Variants in NTM observed in about 807,000 individuals in gnomAD.
The protein encoded by NTM is neurotrimin, also known as IgLON family member 2.
In NTM, 13 loss-of-function variants were observed where a neutral mutation model predicts 42.1. That is an observed-to-expected ratio of 0.31 (90% confidence interval 0.20 to 0.49). NTM has a LOEUF of 0.49. NTM is among the 20% of genes least tolerant of loss of function. The probability of loss-of-function intolerance (pLI) is 0.99; values close to 1 mark genes in which losing one functional copy is unlikely to be tolerated. For missense variants in NTM, 373 were observed against 452.8 expected (o/e 0.82, Z 1.60); for synonymous variants, 187 against 179.2 (o/e 1.04, Z -0.35).
chr11:131,630,245 A>G (rs1018608768), intron 1 of NTM, among the ~76,000 whole-genome samples: 1 of 152,316 alleles, frequency 6.6e-6, no homozygotes, highest in East Asian at 1.9e-4. Flanking sequence ...GCCTTGGATC[A>G]GGAGAAATCC....
intron 8 of NTM, among the ~76,000 whole-genome samples, chr11:132,330,825 GTGGAGGCGTGGCTGAATGAAGAA>G (rs1262539521): frequency 6.6e-6 from 1 of 152,214 alleles, no homozygotes; most frequent in East Asian, 1.9e-4. Flanking sequence ...TCACTGTGGA[GTGGAGGCGTGGCTGAATGAAGAA>G]TGGAGGCCTC....
intron 2 of NTM, among the ~76,000 whole-genome samples, chr11:132,057,402 C>T (rs2079873805): frequency 6.6e-6 from 1 of 152,134 alleles, no homozygotes; most frequent in South Asian, 2.1e-4. Flanking sequence ...CCTACTTTGT[C>T]AAACAGATTC....
At chr11:131,794,645 G>GAATA (rs551467999) in intron 1 of NTM, 20 of 985,214 alleles carry the variant, frequency 2.0e-5, no homozygotes, top group Non-Finnish European at 2.4e-5. Flanking sequence ...ATGAATGAAT[G>GAATA]AGTAGTGCAT....
intron 1 of NTM, among the ~76,000 whole-genome samples, chr11:131,690,822 G>T (rs2074574961): frequency 6.6e-6 from 1 of 152,194 alleles, no homozygotes; most frequent in East Asian, 1.9e-4. Context: ...TGAGGCACAC[G>T]GCGGGTGAAG....
At chr11:131,396,040 G>A (rs1032388209) in intron 1 of NTM, among the ~76,000 whole-genome samples, 4 of 152,286 alleles carry the variant, frequency 2.6e-5, no homozygotes, top group South Asian at 2.1e-4. Flanking sequence ...AAGGGTTCTG[G>A]AGGTGAGCAG....
rs533948384 is a variant in NTM at position 132,261,356 on chromosome 11, G to A, written c.527-46333G>A. 7.2e-5 allele frequency among the ~76,000 whole-genome samples: 11 copies of A among 152,264 alleles called. No individual in the cohort carries two copies. The South Asian group carries it at 1.7e-3, about 23-fold the overall frequency. ...GGATGGAAAGTACTGCATGGGAATC[G>A]CTGGGGCATGTATTGGAATGCCAGT... is the stretch of plus-strand genomic sequence containing the variant. On this transcript the variant is annotated intron_variant, in intron 4 of 8. Coordinates refer to ENST00000683400, the MANE Select transcript of NTM (RefSeq NM_001352005.2).
chr11:132,128,459 G>C (rs2066231830), intron 2 of NTM, among the ~76,000 whole-genome samples: 1 of 152,112 alleles, frequency 6.6e-6, no homozygotes, highest in Admixed American at 6.5e-5. Flanking sequence ...TGCCTCTCCA[G>C]GGACCATCCT....
At chr11:131,548,279 C>G (rs1259093952) in intron 1 of NTM, among the ~76,000 whole-genome samples, 1 of 152,076 alleles carries the variant, frequency 6.6e-6, no homozygotes, top group African/African-American at 2.4e-5. Context: ...CACCACTCTC[C>G]CCTTGTGCAT....
At chr11:131,434,604 T>C (rs894027221) in intron 1 of NTM, among the ~76,000 whole-genome samples, 1 of 152,238 alleles carries the variant, frequency 6.6e-6, no homozygotes, top group African/African-American at 2.4e-5. Context: ...GAAGTGTCTG[T>C]TCATATCCTT....
rs546672482 is a variant in NTM at position 132,290,956 on chromosome 11, C to T, written c.527-16733C>T. Among the ~76,000 whole-genome samples the T allele has an allele frequency of 9.2e-5, 14 of 152,066 alleles. No individual in the cohort carries two copies. In the South Asian group the frequency reaches 1.2e-3, roughly 14 times the overall value. On this transcript the variant is annotated intron_variant, in intron 4 of 8. Coordinates refer to ENST00000683400, the MANE Select transcript of NTM (RefSeq NM_001352005.2). ...TTCTTCTAGAATTATGAGTTGTTTC[C>T]GTTAGATCTGAACCACATGTGGGAA...
At chr11:131,488,184 TGGG>T (rs754469955) in intron 1 of NTM, among the ~76,000 whole-genome samples, 20 of 152,134 alleles carry the variant, frequency 1.3e-4, no homozygotes, top group Non-Finnish European at 2.6e-4. Context: ...CCCCAAAACT[TGGG>T]GGGTTCAAAC....
At chr11:131,477,329 A>G (rs1953056700) in intron 1 of NTM, among the ~76,000 whole-genome samples, 1 of 152,138 alleles carries the variant, frequency 6.6e-6, no homozygotes, top group African/African-American at 2.4e-5. Context: ...ATCAAGGAAC[A>G]GTGCAGGGAC....
Position 131,961,867 on chromosome 11 carries a change from G to A in NTM, c.167+50219G>A, listed in dbSNP as rs1017725464. Among the ~76,000 whole-genome samples, 25 of 152,104 alleles carry A rather than the reference G, an allele frequency of 1.6e-4. 1 individual carries two copies. Among genetic ancestry groups the A allele is most frequent in the African/African-American group, 6.0e-4 (25 of 41,414 alleles). On this transcript the variant is annotated intron_variant, in intron 2 of 8. Transcript: ENST00000683400. ...AGTGTGAAATGCAGTGGTAGTCCCT[G>A]CATTCGAAACATAGAGTCTTTTACT...
chr11:131,378,882 A>G (rs1187956326), intron 1 of NTM, among the ~76,000 whole-genome samples: 1 of 152,056 alleles, frequency 6.6e-6, no homozygotes, highest in Non-Finnish European at 1.5e-5. Flanking sequence ...GTCAATAAAG[A>G]CTCATGCTCA....
chr11:131,687,496 G>A (rs2074041394), intron 1 of NTM, among the ~76,000 whole-genome samples: 1 of 152,204 alleles, frequency 6.6e-6, no homozygotes. Flanking sequence ...CTGGCCCCAG[G>A]CTAGGGGCCT....
At chr11:131,547,421 G>A (rs189957438) in intron 1 of NTM, among the ~76,000 whole-genome samples, 1 of 152,314 alleles carries the variant, frequency 6.6e-6, no homozygotes, top group African/African-American at 2.4e-5. Context: ...GATCTTCAAC[G>A]TCTTGCACGG....
At chr11:131,989,742 C>T (rs1222214654) in intron 2 of NTM, among the ~76,000 whole-genome samples, 2 of 149,362 alleles carry the variant, frequency 1.3e-5, no homozygotes, top group Admixed American at 6.6e-5. Flanking sequence ...CACACACACA[C>T]ATGAACACAT....
intron 2 of NTM, among the ~76,000 whole-genome samples, chr11:132,079,648 T>G (rs1387083910): frequency 1.3e-5 from 2 of 152,216 alleles, no homozygotes; most frequent in Admixed American, 6.5e-5. Flanking sequence ...CTAACTCCTC[T>G]TTTGCATGGC....
chr11:131,864,788 T>C (rs1333484388), intron 1 of NTM, among the ~76,000 whole-genome samples: 1 of 152,218 alleles, frequency 6.6e-6, no homozygotes, highest in Non-Finnish European at 1.5e-5. Context: ...GCTTGTTACC[T>C]CCTGGTCCAT....
Sources: allele counts gnomAD v4.1 joint callset (sites outside exome capture counted in the v4.1 genomes callset), GRCh38; gene constraint gnomAD v4.1.1; transcripts MANE v1.5; gene names NCBI Gene and HGNC (gene_info 2026-07-23, HGNC 2026-07-21).